Variants in UBXN4 observed in about 807,000 individuals in gnomAD.
The protein encoded by UBXN4 is UBX domain protein 4, also known as UBX domain-containing protein 4.
A neutral mutation model predicts 66.2 loss-of-function variants in UBXN4; 35 were observed. The ratio of observed to expected loss-of-function variants is 0.53; its 90% CI spans 0.40 to 0.70. The LOEUF is 0.70. Among genes scored for constraint, UBXN4 ranks in the 30% least tolerant of loss-of-function variants. The pLI is 0.00. For missense variants in UBXN4, 533 were observed against 599.8 expected (o/e 0.89, Z 1.16); for synonymous variants, 203 against 204.5 (o/e 0.99, Z 0.06).
chr2:135,771,215 G>A (rs1025126733), intron 8 of UBXN4, among the ~76,000 whole-genome samples: 6 of 152,138 alleles, frequency 3.9e-5, no homozygotes, highest in African/African-American at 1.2e-4. Context: ...TGTGGCTCAC[G>A]CCTGTAATCC....
rs540504981 is a variant in UBXN4, at chr2:135,772,310, A to C, written c.823-110A>C. On this transcript the variant is annotated intron_variant, in intron 8 of 12. Coordinates refer to ENST00000272638, the MANE Select transcript of UBXN4 (RefSeq NM_014607.4). Reference sequence around the variant, plus strand: ...TGCACTCCAGCCTTGATGACACAGCAAGACCCTGTCTCTTAATAAAAAAAA... The same window carrying C: ...TGCACTCCAGCCTTGATGACACAGCCAGACCCTGTCTCTTAATAAAAAAAA... 108 of 1,332,012 alleles carry C rather than the reference A, an allele frequency of 8.1e-5. No homozygotes were observed. In the African/African-American group the frequency reaches 1.6e-3, roughly 19 times the overall value. 82.5% of individuals were successfully genotyped at this position (1,332,012 alleles called of 1,614,324 possible).
intron 5 of UBXN4, among the ~76,000 whole-genome samples, chr2:135,757,137 A>G (rs2077282904): frequency 1.3e-5 from 2 of 152,196 alleles, no homozygotes; most frequent in South Asian, 4.1e-4. Context: ...TCTTGCTGGA[A>G]TGAATTACAT....
rs2077442341 is a variant in UBXN4 at position 135,780,392 on chromosome 2, G to A, written c.1388+7G>A. 1.9e-6 allele frequency: 3 copies of A among 1,612,578 alleles called. No homozygotes were observed. The highest frequency in any genetic ancestry group is 1.7e-5 in the Admixed American group (1 of 60,000). ...CTAGCAAATCAGAAAAAAGGTATCT[G>A]TGTGTGTTTTCCCCATTTATAAAAT... On this transcript the variant is annotated splice_region_variant and intron_variant, in intron 12 of 12. Coordinates refer to ENST00000272638, the MANE Select transcript of UBXN4 (RefSeq NM_014607.4).
chr2:135,767,844 C>G lies in UBXN4; in HGVS notation c.603-1925C>G, dbSNP rs543066643. ...TTTCCAAAGTGGTTAGGCCAATTTA[C>G]AGTTCCCCTTAGCAGTTAAGACATG... On this transcript the variant is annotated intron_variant, in intron 6 of 12. Coordinates refer to ENST00000272638, the MANE Select transcript of UBXN4 (RefSeq NM_014607.4). 5.9e-5 allele frequency among the ~76,000 whole-genome samples: 9 copies of G among 152,304 alleles called. No homozygotes were observed. In the South Asian group the frequency reaches 1.0e-3, roughly 18 times the overall value.
intron 1 of UBXN4, chr2:135,747,896 T>C: frequency 3.0e-6 from 1 of 333,764 alleles, no homozygotes; most frequent in Non-Finnish European, 5.9e-6. Context: ...GCTGAGATTA[T>C]AGGCGTGAGC....
At position 135,754,186 on chromosome 2, in the gene UBXN4, T is replaced by C. The variant is rs1055091031; in HGVS notation, c.242T>C (p.Phe81Ser). 6.2e-7 allele frequency: 1 copy of C among 1,614,096 alleles called. No homozygotes were observed. The highest frequency in any genetic ancestry group is 8.5e-7 in the Non-Finnish European group (1 of 1,179,940). The change falls in exon 4 of 13, where the codon TTC becomes TCC. Residue 81 changes from phenylalanine to serine, a missense_variant. By Grantham distance (155) the Phe-to-Ser change is radical. Around this residue, in one of 2 missense-constraint regions of UBXN4, gnomAD observed 529 missense variants for 580.1 expected, o/e 0.91. Coordinates refer to ENST00000272638, the MANE Select transcript of UBXN4 (RefSeq NM_014607.4). ...CCTGTAGTGTGTGTTCCATCCAGTTTCTTTATTGGAGACAGTGGAATTCCC... is the reference window on the plus strand; with the variant it reads ...CCTGTAGTGTGTGTTCCATCCAGTTCCTTTATTGGAGACAGTGGAATTCCC... Reference protein sequence around the residue: ...IYPVVCVPSSFFIGDSGIPLE... With the variant: ...IYPVVCVPSSSFIGDSGIPLE...
chr2:135,750,308 G>A (rs79133450), intron 2 of UBXN4, among the ~76,000 whole-genome samples: 3 of 152,026 alleles, frequency 2.0e-5, no homozygotes, highest in African/African-American at 7.3e-5. Context: ...TTACAAAGTG[G>A]TATTCCTGTC....
At chr2:135,781,017 G>A (rs1005043986) in intron 12 of UBXN4, among the ~76,000 whole-genome samples, 7 of 152,238 alleles carry the variant, frequency 4.6e-5, no homozygotes, top group African/African-American at 1.7e-4. Context: ...TTGAGCTTAT[G>A]CATTCAAGAC....
In UBXN4 at chr2:135,752,859, T is replaced by G. The variant is rs1206531920; in HGVS notation, c.186-680T>G. Among the ~76,000 whole-genome samples, 6 of 151,930 alleles carry G rather than the reference T, an allele frequency of 3.9e-5. No homozygotes were observed. In the East Asian group the frequency reaches 1.2e-3, roughly 30 times the overall value. ...CCTCAGCCTCCTGAGTAGCCGGGAT[T>G]ACAGGTGTGTGCCACCACGCCGAGC... On this transcript the variant is annotated intron_variant, in intron 2 of 12. Coordinates refer to ENST00000272638, the MANE Select transcript of UBXN4 (RefSeq NM_014607.4).
At chr2:135,772,071 G>A (rs2077386737) in intron 8 of UBXN4, among the ~76,000 whole-genome samples, 1 of 152,206 alleles carries the variant, frequency 6.6e-6, no homozygotes, top group African/African-American at 2.4e-5. Flanking sequence ...TGTAATCCCA[G>A]AATTTTGGGA....
chr2:135,782,451 T>C (rs751426519), intron 12 of UBXN4, among the ~76,000 whole-genome samples: 44 of 152,196 alleles, frequency 2.9e-4, no homozygotes, highest in Non-Finnish European at 8.8e-5. Flanking sequence ...GAAAGATTAG[T>C]TGGCAAATGG....
In UBXN4 at chr2:135,781,972, G is replaced by C. The variant is rs202092779; in HGVS notation, c.1389-777G>C. 1.2e-4 allele frequency among the ~76,000 whole-genome samples: 19 copies of C among 152,308 alleles called. No individual in the cohort carries two copies. The East Asian group carries it at 3.3e-3, about 26-fold the overall frequency. On this transcript the variant is annotated intron_variant, in intron 12 of 12. Transcript: ENST00000272638. ...GCCTATAGTTTCAGCTGCCTGGGAA[G>C]CTGGGGCAGGAGGATTGTGTGAGCT...
At chr2:135,753,017 C>CTT (rs34841626) in intron 2 of UBXN4, among the ~76,000 whole-genome samples, 117 of 60,934 alleles carry the variant, frequency 1.9e-3, no homozygotes, top group African/African-American at 2.4e-3. Flanking sequence ...CACGCCCGGC[C>CTT]TTTTTTTTTT....
chr2:135,742,507 C>CG, intron 1 of UBXN4: 1 of 153,544 alleles, frequency 6.5e-6, no homozygotes, highest in Non-Finnish European at 1.5e-5. Flanking sequence ...CAGACCCCCG[C>CG]GACCCTCTCC....
chr2:135,742,130 C>T (rs2077178569), intron 1 of UBXN4, 119 bp downstream of exon 1: 2 of 1,207,190 alleles, frequency 1.7e-6, no homozygotes, highest in African/African-American at 1.5e-5. Flanking sequence ...TCGGCTCGCA[C>T]AATTGCCACT....
In UBXN4 at chr2:135,761,831, A is replaced by T; in HGVS notation, c.522A>T (p.Ala174=). 6.2e-7 allele frequency: 1 copy of T among 1,610,560 alleles called. No homozygotes were observed. The highest frequency in any genetic ancestry group is 1.1e-5 in the South Asian group (1 of 90,088). The change falls in exon 6 of 13, where the codon GCA becomes GCT. Residue 174 remains alanine (A), a synonymous_variant. Coordinates refer to ENST00000272638, the MANE Select transcript of UBXN4 (RefSeq NM_014607.4). The part of the protein sequence containing the change: ...KSDTATGGES[A]GHATSSQEPS... ...TTAATAATTAAGGAGGAGAAAGTGC[A>T]GGCCATGCCACTTCCTCTCAGGAGC... is the stretch of plus-strand genomic sequence containing the variant.
intron 9 of UBXN4, among the ~76,000 whole-genome samples, chr2:135,775,011 A>G (rs2077404671): frequency 1.3e-5 from 2 of 152,244 alleles, no homozygotes; most frequent in African/African-American, 2.4e-5. Context: ...CATTTCTCCA[A>G]AGAAGATAAA....
At chr2:135,763,539 C>A (rs1170070813) in intron 6 of UBXN4, among the ~76,000 whole-genome samples, 1 of 152,144 alleles carries the variant, frequency 6.6e-6, no homozygotes, top group Non-Finnish European at 1.5e-5. Flanking sequence ...TAAAATTTGG[C>A]AGGGGCTGTG....
In UBXN4 at chr2:135,754,148, A is replaced by G; in HGVS notation, c.215-11A>G. ...TTCACATGAATTGTTAGACTTCATT[A>G]AACTGTACAGATCCTGTAGTGTGTG... On this transcript the variant is annotated splice_polypyrimidine_tract_variant and intron_variant, in intron 3 of 12. Transcript: ENST00000272638. The G allele has an allele frequency of 6.3e-7, 1 of 1,593,548 alleles. No homozygotes were observed. Among genetic ancestry groups the G allele is most frequent in the African/African-American group, 1.3e-5 (1 of 74,386 alleles).
Sources: gnomAD v4.1 joint callset for allele counts (sites outside exome capture counted in the v4.1 genomes callset) on GRCh38, gnomAD v4.1.1 for gene constraint, gnomAD v4.1.1 regional missense constraint, MANE v1.5 for transcripts, NCBI Gene and HGNC (gene_info 2026-07-23, HGNC 2026-07-21) for gene names.